Variants in MYO18B observed in about 807,000 individuals in gnomAD.
MYO18B encodes the protein unconventional myosin-XVIIIb.
A neutral mutation model predicts 273.0 loss-of-function variants in MYO18B; 204 were observed. The observed-to-expected ratio is 0.75, with a 90% CI of 0.67 to 0.84. MYO18B has a LOEUF of 0.84. MYO18B is among the 40% of genes least tolerant of loss of function. The pLI is 0.00. For missense variants in MYO18B, 3,212 were observed against 3,287.6 expected (o/e 0.98, Z 0.56); for synonymous variants, 1,330 against 1,305.7 (o/e 1.02, Z -0.40).
At position 25,989,630 on chromosome 22, in the gene MYO18B, A is replaced by G. The variant is rs79408500; in HGVS notation, c.6157-2733A>G. Among the ~76,000 whole-genome samples the G allele has an allele frequency of 9.6e-5, 4 of 41,554 alleles. No individual in the cohort carries two copies. In the East Asian group the frequency reaches 1.3e-3, roughly 14 times the overall value. The allele number at this position is 41,554 out of a possible 152,430, so 27.3% of individuals were successfully genotyped here. On this transcript the variant is annotated intron_variant, in intron 39 of 43. Transcript: ENST00000335473. Reference sequence around the variant, plus strand: ...ACCCTGTCTCTACTAAAAATACAAAAAAAAAAAAAAAAAAAAAAAAAAGCC... The same window carrying G: ...ACCCTGTCTCTACTAAAAATACAAAGAAAAAAAAAAAAAAAAAAAAAAGCC...
At chr22:25,776,728 A>AT (rs1382916978) in intron 7 of MYO18B, among the ~76,000 whole-genome samples, 18 of 152,260 alleles carry the variant, frequency 1.2e-4, no homozygotes, top group Non-Finnish European at 1.5e-5. Context: ...AACCAATGAC[A>AT]TAGAGGGGTT....
chr22:25,961,220 T>TAAAA (rs749508614), intron 39 of MYO18B, among the ~76,000 whole-genome samples: 1 of 124,850 alleles, frequency 8.0e-6, no homozygotes. Flanking sequence ...AGCCTCCATC[T>TAAAA]AAAAAAAAAA....
intron 42 of MYO18B, among the ~76,000 whole-genome samples, chr22:26,023,505 C>G (rs1052111217): frequency 6.7e-6 from 1 of 150,358 alleles, no homozygotes; most frequent in Non-Finnish European, 1.5e-5. Context: ...CTACCTCCTC[C>G]CTCCTCCTCC....
At chr22:25,765,160 A>C (rs999119981) in intron 3 of MYO18B, among the ~76,000 whole-genome samples, 3 of 152,192 alleles carry the variant, frequency 2.0e-5, no homozygotes, top group Non-Finnish European at 4.4e-5. Context: ...ACTCAGAGCC[A>C]AGATGCAGGA....
At chr22:25,794,046 G>A (rs1480792015) in intron 11 of MYO18B, among the ~76,000 whole-genome samples, 3 of 151,738 alleles carry the variant, frequency 2.0e-5, no homozygotes, top group Admixed American at 6.6e-5. Flanking sequence ...CCATTCTCCC[G>A]CCTCAGCCTC....
chr22:26,000,008 A>G (rs1356477989), intron 40 of MYO18B, among the ~76,000 whole-genome samples: 4 of 152,186 alleles, frequency 2.6e-5, no homozygotes, highest in African/African-American at 7.2e-5. Context: ...CACTGACCGC[A>G]TGTCAGGAGA....
At chr22:26,005,979 T>C (rs1934382832) in intron 42 of MYO18B, among the ~76,000 whole-genome samples, 1 of 152,236 alleles carries the variant, frequency 6.6e-6, no homozygotes, top group Non-Finnish European at 1.5e-5. Flanking sequence ...ATTACTGCTC[T>C]TAATTAAAAA....
chr22:25,764,820 T>G (rs1241945128), intron 3 of MYO18B, among the ~76,000 whole-genome samples: 1 of 152,244 alleles, frequency 6.6e-6, no homozygotes, highest in Non-Finnish European at 1.5e-5. Context: ...TGGGCTCATT[T>G]AATACCCCGT....
intron 21 of MYO18B, among the ~76,000 whole-genome samples, chr22:25,865,388 C>T (rs2090856661): frequency 6.6e-6 from 1 of 152,192 alleles, no homozygotes; most frequent in South Asian, 2.1e-4. Flanking sequence ...GAAAAGGAGT[C>T]TCAGTTATGG....
At chr22:25,947,890 T>C in intron 36 of MYO18B, 62 bp downstream of exon 36, 11 of 1,258,386 alleles carry the variant, frequency 8.7e-6, no homozygotes, top group Non-Finnish European at 1.2e-5. Context: ...ATGGGGAATG[T>C]TGAGAAGGTG....
chr22:25,947,419 G>C (rs2092724770), intron 35 of MYO18B, among the ~76,000 whole-genome samples: 1 of 150,740 alleles, frequency 6.6e-6, no homozygotes, highest in Non-Finnish European at 1.5e-5. Flanking sequence ...AGATTCCCAA[G>C]TGGGATTGCA....
chr22:25,945,027 A>C (rs375491973), intron 34 of MYO18B, among the ~76,000 whole-genome samples: 3 of 152,170 alleles, frequency 2.0e-5, no homozygotes, highest in Admixed American at 6.5e-5. Flanking sequence ...TAGGAGGCCT[A>C]CTGTGTGCAG....
At chr22:25,872,480 G>C (rs1490744619) in intron 22 of MYO18B, among the ~76,000 whole-genome samples, 2 of 152,202 alleles carry the variant, frequency 1.3e-5, no homozygotes, top group Non-Finnish European at 2.9e-5. Context: ...ACCTGCCTGA[G>C]CCAGTACATT....
chr22:25,787,894 C>T (rs1399266579), intron 11 of MYO18B, among the ~76,000 whole-genome samples: 1 of 152,088 alleles, frequency 6.6e-6, no homozygotes, highest in African/African-American at 2.4e-5. Flanking sequence ...ATTTAATGAG[C>T]TTTGGCCCAA....
At chr22:25,855,178 C>T (rs1010820990) in intron 21 of MYO18B, among the ~76,000 whole-genome samples, 1 of 152,034 alleles carries the variant, frequency 6.6e-6, no homozygotes, top group African/African-American at 2.4e-5. Flanking sequence ...TTAGCTCCCA[C>T]TTATAAGTGA....
chr22:25,781,805 G>C lies in MYO18B; in HGVS notation c.2283G>C (p.Gln761His). Residue 761 changes from glutamine to histidine, a missense_variant, in exon 10 of 44, where the codon CAG becomes CAC. Gln to His is a conservative substitution (Grantham distance 24). Coordinates refer to ENST00000335473, the MANE Select transcript of MYO18B (RefSeq NM_032608.7). ...EGESNFLVFS[Q>H]MLAGLDLDLR... Reference sequence around the variant, plus strand: ...AAAGTAACTTCCTGGTTTTCTCCCAGATGCTGGCTGGATTGGACTTGGATC... The same window carrying C: ...AAAGTAACTTCCTGGTTTTCTCCCACATGCTGGCTGGATTGGACTTGGATC... The C allele has an allele frequency of 6.3e-7, 1 of 1,592,588 alleles. No individual in the cohort carries two copies. The highest frequency in any genetic ancestry group is 8.5e-7 in the Non-Finnish European group (1 of 1,170,690).
Position 25,944,413 on chromosome 22 carries a change from T to C in MYO18B, c.5518-1724T>C, listed in dbSNP as rs531189967. On this transcript the variant is annotated intron_variant, in intron 34 of 43. Transcript: ENST00000335473. ...CATCCCTCTCTGAGCCCCGAATGTT[T>C]ACCTTAGGTGATTTCTAAGAGTGTT... Among the ~76,000 whole-genome samples the C allele has an allele frequency of 4.6e-5, 7 of 152,276 alleles. No individual in the cohort carries two copies. The South Asian group carries it at 1.5e-3, about 32-fold the overall frequency.
At chr22:25,975,331 G>A (rs1316693097) in intron 39 of MYO18B, among the ~76,000 whole-genome samples, 2 of 152,170 alleles carry the variant, frequency 1.3e-5, no homozygotes, top group East Asian at 3.8e-4. Flanking sequence ...TCGCAAAAGT[G>A]TACGGAGGTA....
chr22:25,929,195 A>T (rs879327461), intron 34 of MYO18B, among the ~76,000 whole-genome samples: 1 of 151,800 alleles, frequency 6.6e-6, no homozygotes, highest in Non-Finnish European at 1.5e-5. Context: ...ATCTCAAAAT[A>T]TAACATAACA....
Sources: allele counts gnomAD v4.1 joint callset (sites outside exome capture counted in the v4.1 genomes callset), GRCh38; gene constraint gnomAD v4.1.1; transcripts MANE v1.5; gene names NCBI Gene and HGNC (gene_info 2026-07-23, HGNC 2026-07-21).